SMG5: variants seen among roughly 807,000 people sequenced by gnomAD.
SMG5 encodes the protein SMG5 nonsense mediated mRNA decay factor.
In SMG5, 53 loss-of-function variants were observed where a neutral mutation model predicts 122.9. The observed-to-expected ratio is 0.43, with a 90% CI of 0.35 to 0.54. The LOEUF is 0.54. SMG5 is among the 20% of genes least tolerant of loss of function. The probability of loss-of-function intolerance (pLI) is 0.01; values close to 1 mark genes in which losing one functional copy is unlikely to be tolerated. For synonymous variants in SMG5, 477 were observed against 490.2 expected (o/e 0.97, Z 0.35); for missense variants, 1,153 against 1,285.6 (o/e 0.90, Z 1.58).
chr1:156,262,477 G>GA (rs1229479162), intron 13 of SMG5, among the ~76,000 whole-genome samples: 3,274 of 66,874 alleles, frequency 0.049, 208 homozygotes, highest in African/African-American at 0.15. Context: ...CTCCATCTCA[G>GA]AAAAAAAAAA....
intron 16 of SMG5, among the ~76,000 whole-genome samples, chr1:156,257,518 AGT>A (rs1661635681): frequency 6.6e-6 from 1 of 152,108 alleles, no homozygotes; most frequent in South Asian, 2.1e-4. Context: ...CGACAGGAAG[AGT>A]GTCTTCAAGA....
At chr1:156,261,999 C>G (rs1558236364) in intron 13 of SMG5, among the ~76,000 whole-genome samples, 2 of 151,856 alleles carry the variant, frequency 1.3e-5, no homozygotes, top group African/African-American at 2.4e-5. Flanking sequence ...GAGGTCGAGG[C>G]TGCAGTGGAG....
At chr1:156,268,751 A>C (rs928322579) in intron 7 of SMG5, among the ~76,000 whole-genome samples, 1 of 152,240 alleles carries the variant, frequency 6.6e-6, no homozygotes, top group Non-Finnish European at 1.5e-5. Flanking sequence ...AATGGATAGC[A>C]TTTAACAAGC....
At chr1:156,288,647 T>C in the SMG5 span, among the ~76,000 whole-genome samples, 82 of 152,312 alleles carry the variant, frequency 5.4e-4, no homozygotes, top group Non-Finnish European at 9.6e-4. Context: ...CTGCTCTTGT[T>C]ACTTTTGATA....
At chr1:156,253,909 G>T in intron 16 of SMG5, 1 of 282,506 alleles carries the variant, frequency 3.5e-6, no homozygotes, top group South Asian at 3.7e-5. Flanking sequence ...TTCCAAATCT[G>T]CAGATTCAGC....
At chr1:156,285,187 G>A, upstream of SMG5, 1 of 1,514,542 alleles carries the variant, frequency 6.6e-7, no homozygotes, top group South Asian at 1.4e-5. Context: ...CCTGCAGGAT[G>A]ACATGACCTT....
chr1:156,274,789 G>C lies in SMG5; in HGVS notation c.455-103C>G, dbSNP rs1662606868. The C allele has an allele frequency of 2.0e-5, 18 of 880,876 alleles. No individual in the cohort carries two copies. The South Asian group carries it at 2.3e-4, about 11-fold the overall frequency. The allele number at this position is 880,876 out of a possible 1,614,324, so 54.6% of individuals were successfully genotyped here. A position where few individuals can be genotyped will look rare whatever the true frequency, so the allele number is the denominator to read the frequency against. ...TGTAGAGACTAAGAATCCAGGGCCAGTCTTGGAACATTGTCTTTCAGGGCA... is the reference window on the plus strand; with the variant it reads ...TGTAGAGACTAAGAATCCAGGGCCACTCTTGGAACATTGTCTTTCAGGGCA... On this transcript the variant is annotated intron_variant, in intron 4 of 21. Transcript: ENST00000361813.
chr1:156,266,935 G>A (rs1315970158), intron 10 of SMG5, among the ~76,000 whole-genome samples: 1 of 151,798 alleles, frequency 6.6e-6, no homozygotes, highest in Non-Finnish European at 1.5e-5. Flanking sequence ...GGCACTGTAC[G>A]TGTCCTATTA....
chr1:156,272,034 T>C (rs913861981), intron 7 of SMG5, among the ~76,000 whole-genome samples: 3 of 152,166 alleles, frequency 2.0e-5, no homozygotes, highest in African/African-American at 7.2e-5. Flanking sequence ...TTAGTAACAT[T>C]TTACCAACTG....
intron 13 of SMG5, among the ~76,000 whole-genome samples, chr1:156,262,202 A>G (rs1310927960): frequency 6.6e-6 from 1 of 152,106 alleles, no homozygotes; most frequent in East Asian, 1.9e-4. Flanking sequence ...ATGCTTCATG[A>G]AAGAAGAAAG....
Position 156,272,329 on chromosome 1 carries a change from T to C in SMG5, c.704A>G (p.Tyr235Cys). 1 of 1,595,774 alleles carries C rather than the reference T, an allele frequency of 6.3e-7. No homozygotes were observed. Residue 235 changes from tyrosine to cysteine, a missense_variant, in exon 7 of 22, where the codon TAC (tyrosine) becomes TGC (cysteine). This residue lies in a region of SMG5 where 85 missense variants were observed against 127.3 expected (regional missense o/e 0.67). Transcript: ENST00000361813. Reference protein sequence around the residue: ...KYYNVEAMYCYLRCIQSEVSF... With the variant: ...KYYNVEAMYCCLRCIQSEVSF... The stretch of plus-strand genomic sequence containing the variant: ...GCTGGCAAATACTCACCAGCGCAGG[T>C]AGCAATACATGGCTTCCACATTATA...
In SMG5 at chr1:156,263,493, T is replaced by C. The variant is rs200093957; in HGVS notation, c.1933A>G (p.Lys645Glu). ...SCRNERSIQE[K>E]LQVLMAEGLL... ...CCTTCGGCCATCAGGACCTGAAGCTTCTCCTGGATGCTGCGCTCATTCCGA... is the reference window on the plus strand; with the variant it reads ...CCTTCGGCCATCAGGACCTGAAGCTCCTCCTGGATGCTGCGCTCATTCCGA... The change falls in exon 13 of 22, where the codon AAG (lysine) becomes GAG (glutamate). Residue 645 changes from lysine (K) to glutamate (E), a missense_variant. Transcript: ENST00000361813. 2.2e-5 allele frequency: 36 copies of C among 1,614,192 alleles called. No individual in the cohort carries two copies. In the East Asian group the frequency reaches 7.6e-4, roughly 34 times the overall value.
the SMG5 span, among the ~76,000 whole-genome samples, chr1:156,288,833 G>A: frequency 2.0e-5 from 3 of 152,152 alleles, no homozygotes; most frequent in Non-Finnish European, 4.4e-5. Flanking sequence ...TCCTGCTCAT[G>A]TAACTTAGCC....
At chr1:156,258,665 G>A (rs1328497180) in intron 16 of SMG5, among the ~76,000 whole-genome samples, 1 of 152,100 alleles carries the variant, frequency 6.6e-6, no homozygotes, top group Non-Finnish European at 1.5e-5. Context: ...GCGTGGTGGC[G>A]TGCGCCTGTA....
intron 16 of SMG5, among the ~76,000 whole-genome samples, chr1:156,255,973 T>C (rs562864260): frequency 5.9e-5 from 9 of 152,138 alleles, no homozygotes; most frequent in African/African-American, 2.2e-4. Context: ...AGGGACACTA[T>C]GAAATAACTG....
At chr1:156,284,214 T>G (rs1055897338), upstream of SMG5, 2 of 152,266 alleles carry the variant, frequency 1.3e-5, no homozygotes, top group African/African-American at 4.8e-5. Context: ...TGCTTTTTTT[T>G]GTCGGCAGAT....
chr1:156,274,874 G>A (rs1334664318), intron 4 of SMG5, among the ~76,000 whole-genome samples, 188 bp from the exon 5 acceptor site: 2 of 152,098 alleles, frequency 1.3e-5, no homozygotes, highest in Admixed American at 6.6e-5. Flanking sequence ...GCCATACGCA[G>A]GGACTCAGAG....
At chr1:156,272,202 T>A (rs1444356110) in intron 7 of SMG5, 118 bp downstream of exon 7, 2 of 904,192 alleles carry the variant, frequency 2.2e-6, no homozygotes, top group African/African-American at 3.3e-5. Context: ...GACCCTTCAA[T>A]CTTAGCATTC....
chr1:156,273,053 AAT>A (rs1443317051), intron 6 of SMG5, among the ~76,000 whole-genome samples: 2 of 152,086 alleles, frequency 1.3e-5, no homozygotes, highest in East Asian at 3.9e-4. Context: ...CTCTCTCTAT[AAT>A]AGTCTTATGC....
Sources: allele counts gnomAD v4.1 joint callset (sites outside exome capture counted in the v4.1 genomes callset), GRCh38; gene constraint gnomAD v4.1.1; regional missense constraint gnomAD v4.1.1; transcripts MANE v1.5; gene names NCBI Gene and HGNC (gene_info 2026-07-23, HGNC 2026-07-21).